Variants in PRRT4 observed in about 807,000 individuals in gnomAD.
PRRT4 encodes the protein proline rich transmembrane protein 4, also known as proline-rich transmembrane protein 4.
A neutral mutation model predicts 55.6 loss-of-function variants in PRRT4; 59 were observed. The ratio of observed to expected loss-of-function variants is 1.06; its 90% CI spans 0.86 to 1.32. The LOEUF (loss-of-function observed/expected upper bound fraction) is 1.32, where lower values mean the gene tolerates loss of function less well. PRRT4 is among the 40% of genes most tolerant of loss of function. The pLI is 0.00. For missense variants in PRRT4, 1,217 were observed against 1,222.0 expected (o/e 1.00, Z 0.06); for synonymous variants, 606 against 601.8 (o/e 1.01, Z -0.10).
chr7:128,354,331 T>G (rs767433393), intron 4 of PRRT4, among the ~76,000 whole-genome samples: 2 of 152,046 alleles, frequency 1.3e-5, no homozygotes, highest in Admixed American at 6.6e-5. Context: ...TGGGAGGCCG[T>G]GGCGAGCAGA....
intron 4 of PRRT4, 123 bp from the exon 6 acceptor site, chr7:128,352,801 A>G (rs1195103074): frequency 3.2e-6 from 3 of 926,892 alleles, no homozygotes; most frequent in Non-Finnish European, 4.7e-6. Flanking sequence ...TGTCTTACAT[A>G]TGAGACTCAC....
intron 4 of PRRT4, among the ~76,000 whole-genome samples, chr7:128,354,570 AACACACACACACAC>A (rs927167837): frequency 9.6e-5 from 8 of 83,486 alleles, no homozygotes; most frequent in Admixed American, 3.6e-4. Context: ...GCTCAAAAAA[AACACACACACACAC>A]ACACACACAC....
chr7:128,355,491 C>T (rs911873113), intron 4 of PRRT4, among the ~76,000 whole-genome samples: 4 of 152,246 alleles, frequency 2.6e-5, no homozygotes, highest in South Asian at 2.1e-4. Context: ...CCACCGCGCC[C>T]GGCCAAATAA....
rs937699925 is a variant in PRRT4, at chr7:128,351,522, G to T, written c.2034C>A (p.Cys678Ter). The T allele has an allele frequency of 6.7e-7, 1 of 1,490,538 alleles. No individual in the cohort carries two copies. The highest frequency in any genetic ancestry group is 8.9e-7 in the Non-Finnish European group (1 of 1,123,818). The allele number at this position is 1,490,538 out of a possible 1,614,324, so 92.3% of individuals were successfully genotyped here. ...GGTCTGGGCCTGGCCCTGCCAGCGC[G>T]CACAGCTGCAGCAGCTCCGCGTCCC... The change falls in exon 5 of 5, where the codon TGC becomes TGA. Residue 678 changes from cysteine (C) to a stop codon, truncating the protein, a stop_gained. Coordinates refer to ENST00000535159, the Ensembl canonical transcript of PRRT4. LOFTEE classifies it high-confidence loss of function.
At position 128,360,593 on chromosome 7, in the gene PRRT4, T is replaced by C. The variant is rs956468074; in HGVS notation, c.-72-530A>G. Among the ~76,000 whole-genome samples, 14 of 152,222 alleles carry C rather than the reference T, an allele frequency of 9.2e-5. No homozygotes were observed. In the South Asian group the frequency reaches 2.9e-3, roughly 32 times the overall value. On this transcript the variant is annotated intron_variant, in intron 1 of 4. Transcript: ENST00000535159. ...GGGGTAAAGCCAGAGCTGAGTGATC[T>C]GGCCCAGTCAGAAGGCCGCCCAGGC... is the stretch of plus-strand genomic sequence containing the variant.
intron 4 of PRRT4, among the ~76,000 whole-genome samples, chr7:128,354,418 G>T (rs1797066807): frequency 6.6e-6 from 1 of 152,260 alleles, no homozygotes; most frequent in South Asian, 2.1e-4. Context: ...ACAAAAATTA[G>T]CCAGGCGTGG....
chr7:128,357,518 T>TA (rs1797140961), intron 4 of PRRT4, among the ~76,000 whole-genome samples: 2 of 152,084 alleles, frequency 1.3e-5, no homozygotes, highest in Non-Finnish European at 2.9e-5. Context: ...GCACAGAAAC[T>TA]GCCCCCTACC....
At chr7:128,357,266 TC>T (rs1797134855) in intron 4 of PRRT4, among the ~76,000 whole-genome samples, 1 of 147,182 alleles carries the variant, frequency 6.8e-6, no homozygotes, top group South Asian at 2.1e-4. Flanking sequence ...TCTCTCTCTC[TC>T]TGCTGGCAAG....
rs542124127 is a variant in PRRT4 at position 128,353,580 on chromosome 7, T to A, written c.878-902A>T. 2.3e-4 allele frequency among the ~76,000 whole-genome samples: 35 copies of A among 152,206 alleles called. No homozygotes were observed. In the East Asian group the frequency reaches 5.0e-3, roughly 22 times the overall value. On this transcript the variant is annotated intron_variant, in intron 4 of 4. Coordinates refer to ENST00000535159, the Ensembl canonical transcript of PRRT4. ...GCCTGCTACACCCCAACCCTTAGCC[T>A]ATCCATGGCAGTGACCCCTATCCTG...
intron 4 of PRRT4, among the ~76,000 whole-genome samples, chr7:128,354,567 A>AC (rs201577500): frequency 0.059 from 6,414 of 109,640 alleles, 167 homozygotes; most frequent in South Asian, 0.093. Flanking sequence ...CTGGCTCAAA[A>AC]AAAACACACA....
chr7:128,359,784 G>C, exon 2 of PRRT4: 1 of 1,541,668 alleles, frequency 6.5e-7, no homozygotes, highest in South Asian at 1.2e-5. Flanking sequence ...TCTGTGACTG[G>C]GCTCCCCCAG....
exon 5 of PRRT4, chr7:128,352,449 C>G: frequency 6.5e-7 from 1 of 1,538,942 alleles, no homozygotes; most frequent in East Asian, 2.4e-5. Flanking sequence ...GCGCGCCTAC[C>G]CCGTACACGT....
At chr7:128,350,619 G>T, downstream of PRRT4, 1 of 619,990 alleles carries the variant, frequency 1.6e-6, no homozygotes, top group Non-Finnish European at 2.7e-6. Flanking sequence ...TGGGACCCCT[G>T]CCAACCTAGA....
intron 4 of PRRT4, among the ~76,000 whole-genome samples, chr7:128,354,570 A>AC (rs1231440333): frequency 0.046 from 3,851 of 83,544 alleles, 63 homozygotes; most frequent in Non-Finnish European, 0.057. Context: ...GCTCAAAAAA[A>AC]ACACACACAC....
chr7:128,352,718 C>T (rs1393235868), intron 4 of PRRT4, 40 bp from the exon 6 acceptor site: 1 of 1,477,910 alleles, frequency 6.8e-7, no homozygotes, highest in Non-Finnish European at 9.0e-7. Flanking sequence ...AATGATGCAG[C>T]CCTCCCCTTA....
In PRRT4 at chr7:128,358,065, GA is replaced by G. The variant is rs1422957528; in HGVS notation, c.877+615del. 1.3e-5 allele frequency among the ~76,000 whole-genome samples: 2 copies of G among 152,232 alleles called. No homozygotes were observed. Among genetic ancestry groups the G allele is most frequent in the Non-Finnish European group, 2.9e-5 (2 of 68,046 alleles). ...GTCTATGAGAAAATTTAGGTTCAGAGAGGTTAAATAACGTGCCTAAAGTCAC... is the reference window on the plus strand; with the variant it reads ...GTCTATGAGAAAATTTAGGTTCAGAGGGTTAAATAACGTGCCTAAAGTCAC... On this transcript the variant is annotated intron_variant, in intron 4 of 4. Transcript: ENST00000535159. This position sits in a 1 kb window ranked among gnomAD's most constrained non-coding sequence, Gnocchi z 4.4.
At position 128,359,144 on chromosome 7, in the gene PRRT4, C is replaced by T. The variant is rs1443319779; in HGVS notation, c.757+5G>A. 3 of 1,551,498 alleles carry T rather than the reference C, an allele frequency of 1.9e-6. No homozygotes were observed. Among genetic ancestry groups the T allele is most frequent in the East Asian group, 2.4e-5 (1 of 40,912 alleles). ...CAATAGTTTATTGCAATGAAATAAACTCACCCAGAGAACCCGAAACTCCAG... is the reference window on the plus strand; with the variant it reads ...CAATAGTTTATTGCAATGAAATAAATTCACCCAGAGAACCCGAAACTCCAG... On this transcript the variant is annotated splice_donor_5th_base_variant and intron_variant, in intron 3 of 4. Coordinates refer to ENST00000535159, the Ensembl canonical transcript of PRRT4.
At chr7:128,357,619 G>A (rs987439872) in intron 4 of PRRT4, among the ~76,000 whole-genome samples, 3 of 152,232 alleles carry the variant, frequency 2.0e-5, no homozygotes, top group Non-Finnish European at 4.4e-5. Context: ...AGTGACTGTG[G>A]CTGGAGTGAG....
intron 4 of PRRT4, among the ~76,000 whole-genome samples, chr7:128,354,826 C>G (rs1340232648): frequency 6.6e-6 from 1 of 152,152 alleles, no homozygotes; most frequent in Non-Finnish European, 1.5e-5. Context: ...GGTTCCCATT[C>G]CATCACATCC....
Sources: allele counts gnomAD v4.1 joint callset (sites outside exome capture counted in the v4.1 genomes callset), GRCh38; gene constraint gnomAD v4.1.1; non-coding constraint Gnocchi (gnomAD v3.1); transcripts MANE v1.5; gene names NCBI Gene and HGNC (gene_info 2026-07-23, HGNC 2026-07-21).